The following TRPM3 variants were observed in gnomAD, a reference collection of about 807,000 sequenced individuals.
The protein encoded by TRPM3 is long transient receptor potential channel 3.
Under a neutral mutation model 181.2 loss-of-function variants are expected in TRPM3, and 77 were observed. That is an observed-to-expected ratio of 0.42 (90% CI 0.35 to 0.51). The LOEUF (loss-of-function observed/expected upper bound fraction) is 0.51, where lower values mean the gene tolerates loss of function less well. TRPM3 is among the 20% of genes least tolerant of loss of function. TRPM3 has a pLI of 0.01. For synonymous variants in TRPM3, 745 were observed against 796.4 expected, an observed-to-expected ratio of 0.94 and a Z score of 1.09; for missense variants, 1,759 against 2,196.7, an observed-to-expected ratio of 0.80 and a Z score of 3.98.
chr9:71,362,827 A>C (rs1339661261), intron 1 of TRPM3, among the ~76,000 whole-genome samples: 1 of 152,226 alleles, frequency 6.6e-6, no homozygotes. Context: ...TAATGATTGC[A>C]TGTAATTTAG....
intron 1 of TRPM3, among the ~76,000 whole-genome samples, chr9:71,279,976 G>A (rs1245118770): frequency 6.6e-6 from 1 of 151,704 alleles, no homozygotes; most frequent in Non-Finnish European, 1.5e-5. Flanking sequence ...CTACGCAGGA[G>A]GCTGAGCCAG....
At chr9:70,682,709 A>G (rs999263079) in intron 8 of TRPM3, among the ~76,000 whole-genome samples, 2 of 152,216 alleles carry the variant, frequency 1.3e-5, no homozygotes, top group Non-Finnish European at 2.9e-5. Flanking sequence ...AACAATGCTT[A>G]ACAATAATGA....
chr9:70,849,632 C>T (rs1265942640), intron 3 of TRPM3, among the ~76,000 whole-genome samples: 2 of 152,000 alleles, frequency 1.3e-5, no homozygotes, highest in Non-Finnish European at 2.9e-5. Context: ...AAACACTGGA[C>T]AATACAGCAT....
intron 6 of TRPM3, chr9:70,793,694 A>G (rs2086233611): frequency 2.1e-6 from 1 of 469,300 alleles, no homozygotes; most frequent in African/African-American, 2.0e-5. Flanking sequence ...GTAACTATGA[A>G]AACCTGGCAG....
intron 1 of TRPM3, among the ~76,000 whole-genome samples, chr9:70,910,469 T>C (rs1380788414): frequency 1.3e-5 from 2 of 152,206 alleles, no homozygotes; most frequent in African/African-American, 4.8e-5. Context: ...GTTGTATAAG[T>C]ATATGCACTT....
intron 1 of TRPM3, among the ~76,000 whole-genome samples, chr9:71,427,423 G>GAT (rs1387234805): frequency 6.6e-6 from 1 of 152,090 alleles, no homozygotes; most frequent in African/African-American, 2.4e-5. Context: ...AGGTGATTCT[G>GAT]ATATATGCTA....
At chr9:71,311,811 A>G (rs1210228537) in intron 1 of TRPM3, among the ~76,000 whole-genome samples, 1 of 152,000 alleles carries the variant, frequency 6.6e-6, no homozygotes, top group Non-Finnish European at 1.5e-5. Flanking sequence ...AAATAAATAT[A>G]AAAATAAAAA....
intron 3 of TRPM3, among the ~76,000 whole-genome samples, chr9:70,860,616 A>C (rs905552431): frequency 1.3e-5 from 2 of 152,202 alleles, no homozygotes; most frequent in Non-Finnish European, 2.9e-5. Context: ...GTCAACCAGT[A>C]GGCTAAGGGG....
chr9:71,318,757 A>T (rs1485158503), intron 1 of TRPM3, among the ~76,000 whole-genome samples: 2 of 152,136 alleles, frequency 1.3e-5, no homozygotes, highest in African/African-American at 2.4e-5. Flanking sequence ...TGTGTTTTTT[A>T]AAAAAATTAT....
At chr9:70,604,613 G>C (rs2060665464) in intron 19 of TRPM3, among the ~76,000 whole-genome samples, 1 of 152,208 alleles carries the variant, frequency 6.6e-6, no homozygotes, top group Non-Finnish European at 1.5e-5. Flanking sequence ...GGAAGCTGCA[G>C]CCTTGCTGGG....
At chr9:71,212,379 C>T (rs1440704252) in intron 1 of TRPM3, among the ~76,000 whole-genome samples, 1 of 152,154 alleles carries the variant, frequency 6.6e-6, no homozygotes, top group Non-Finnish European at 1.5e-5. Context: ...TTAATTTAGA[C>T]TCCTGACTAA....
chr9:71,298,434 A>G (rs1000189071), intron 1 of TRPM3, among the ~76,000 whole-genome samples: 4 of 152,026 alleles, frequency 2.6e-5, no homozygotes, highest in Non-Finnish European at 4.4e-5. Context: ...TCCCCAAATT[A>G]TCATGGCACA....
intron 22 of TRPM3, among the ~76,000 whole-genome samples, chr9:70,589,250 C>A (rs1390566642): frequency 6.6e-6 from 1 of 152,120 alleles, no homozygotes; most frequent in Non-Finnish European, 1.5e-5. Context: ...AATAATAAAT[C>A]CTCTTATTCA....
chr9:70,937,486 A>T (rs1052681460), intron 1 of TRPM3, among the ~76,000 whole-genome samples: 1 of 152,242 alleles, frequency 6.6e-6, no homozygotes, highest in Non-Finnish European at 1.5e-5. Flanking sequence ...ATAATCTTGC[A>T]AGATATTACA....
chr9:70,999,608 C>G (rs1460251535), intron 1 of TRPM3, among the ~76,000 whole-genome samples: 2 of 152,214 alleles, frequency 1.3e-5, no homozygotes, highest in African/African-American at 4.8e-5. Flanking sequence ...GGCTACCATG[C>G]ATAGTGTCAT....
intron 9 of TRPM3, among the ~76,000 whole-genome samples, chr9:70,655,378 G>T (rs1396529055): frequency 6.8e-6 from 1 of 147,026 alleles, no homozygotes; most frequent in East Asian, 2.0e-4. Flanking sequence ...TTCACATTAA[G>T]GAAAAAGAGC....
chr9:71,103,397 G>C (rs948793786), intron 1 of TRPM3, among the ~76,000 whole-genome samples: 8 of 152,184 alleles, frequency 5.3e-5, no homozygotes, highest in African/African-American at 1.9e-4. Flanking sequence ...CTCTCAACCT[G>C]CTGAGGTCAA....
intron 9 of TRPM3, among the ~76,000 whole-genome samples, chr9:70,660,160 A>T (rs1160475094): frequency 1.3e-5 from 2 of 152,168 alleles, no homozygotes; most frequent in South Asian, 4.1e-4. Flanking sequence ...AAAAGATTTT[A>T]AAAAAGAAAA....
At chr9:70,593,776 AG>A (rs964655922) in intron 21 of TRPM3, among the ~76,000 whole-genome samples, 24 of 151,144 alleles carry the variant, frequency 1.6e-4, no homozygotes, top group Non-Finnish European at 3.4e-4. Flanking sequence ...TTCAATATTA[AG>A]AGAGCTGATC....
Sources: allele counts gnomAD v4.1 joint callset (sites outside exome capture counted in the v4.1 genomes callset), GRCh38; gene constraint gnomAD v4.1.1; transcripts MANE v1.5; gene names NCBI Gene and HGNC (gene_info 2026-07-23, HGNC 2026-07-21).